Variants in FAM135B observed in about 807,000 individuals in gnomAD.
FAM135B encodes protein FAM135B.
FAM135B carries 43 observed loss-of-function variants against 127.7 expected under a neutral mutation model. That is an observed-to-expected ratio of 0.34 (90% CI 0.26 to 0.43). The LOEUF is 0.43. Among genes scored for constraint, FAM135B ranks in the 20% least tolerant of loss-of-function variants. FAM135B has a pLI of 1.00. For synonymous variants in FAM135B, 670 were observed against 665.1 expected (o/e 1.01, Z -0.11); for missense variants, 1,558 against 1,725.6 (o/e 0.90, Z 1.72).
intron 3 of FAM135B, among the ~76,000 whole-genome samples, chr8:138,302,511 G>A (rs141893484): frequency 2.1e-4 from 32 of 152,304 alleles, no homozygotes; most frequent in Admixed American, 1.5e-3. Context: ...CCTAGGGAAC[G>A]AATGCAGGGC....
In FAM135B at chr8:138,151,734, C is replaced by T. The variant is rs748803583; in HGVS notation, c.2741G>A (p.Gly914Asp). The T allele has an allele frequency of 1.1e-5, 17 of 1,614,152 alleles. No homozygotes were observed. In the East Asian group the frequency reaches 3.6e-4, roughly 34 times the overall value. Residue 914 changes from glycine (G) to aspartate (D), a missense_variant, in exon 13 of 20, where the codon GGT (glycine) becomes GAT (aspartate). Transcript: ENST00000395297. The stretch of plus-strand genomic sequence containing the variant: ...GCCACTGTTGGAAAGAGCTTGCTGA[C>T]CCACATTCAAGTCTTTAGGCATGCC... ...PKGMPKDLNVGQQALSNSGIS... is the reference protein window; with the variant it reads ...PKGMPKDLNVDQQALSNSGIS...
chr8:138,404,759 T>C (rs966247030), intron 1 of FAM135B, among the ~76,000 whole-genome samples: 3 of 152,196 alleles, frequency 2.0e-5, no homozygotes, highest in Non-Finnish European at 4.4e-5. Context: ...CATGAGATTG[T>C]AGCAGTTCAG....
At chr8:138,336,484 C>A (rs1375945147) in intron 2 of FAM135B, among the ~76,000 whole-genome samples, 7 of 152,060 alleles carry the variant, frequency 4.6e-5, no homozygotes, top group Non-Finnish European at 1.0e-4. Flanking sequence ...AACACCTCTA[C>A]GCAAATAAAC....
At chr8:138,336,606 C>G (rs919224193) in intron 2 of FAM135B, among the ~76,000 whole-genome samples, 9 of 152,116 alleles carry the variant, frequency 5.9e-5, no homozygotes, top group Admixed American at 5.9e-4. Context: ...CAAATTGAGG[C>G]AATAACTAAT....
At chr8:138,494,826 G>A (rs1815329097) in intron 1 of FAM135B, among the ~76,000 whole-genome samples, 1 of 138,616 alleles carries the variant, frequency 7.2e-6, no homozygotes, top group Non-Finnish European at 1.5e-5. Flanking sequence ...CTAAATCTCT[G>A]TTTATACTGT....
intron 2 of FAM135B, among the ~76,000 whole-genome samples, chr8:138,332,764 C>T (rs114636907): frequency 0.013 from 1,973 of 152,148 alleles, 33 homozygotes; most frequent in African/African-American, 0.045. Context: ...TGAGTCCTAA[C>T]GCACCAGAGA....
At chr8:138,279,335 C>T (rs141384322) in intron 3 of FAM135B, among the ~76,000 whole-genome samples, 148 of 152,300 alleles carry the variant, frequency 9.7e-4, no homozygotes, top group African/African-American at 3.3e-3. Flanking sequence ...ACACAACTCA[C>T]CAGTGAGCTC....
rs780975583 is a variant in FAM135B, at chr8:138,151,714, T to C, written c.2761A>G (p.Ser921Gly). The C allele has an allele frequency of 2.5e-5, 40 of 1,614,086 alleles. No individual in the cohort carries two copies. In the South Asian group the frequency reaches 4.0e-4, roughly 16 times the overall value. Residue 921 changes from serine to glycine, a missense_variant, in exon 13 of 20, where the codon AGT (serine) becomes GGT (glycine). By Grantham distance (56) the Ser-to-Gly change is moderately conservative (BLOSUM62 0). Transcript: ENST00000395297. ...LNVGQQALSN[S>G]GISEVEGLSQ... is the part of the protein sequence containing the mutation. ...AGACCCTCAACCTCTGAGATGCCAC[T>C]GTTGGAAAGAGCTTGCTGACCCACA...
intron 1 of FAM135B, among the ~76,000 whole-genome samples, chr8:138,379,785 G>A (rs1831726860): frequency 6.6e-6 from 1 of 152,146 alleles, no homozygotes; most frequent in South Asian, 2.1e-4. Context: ...GGTTGGGGGA[G>A]GTTTCAATGC....
intron 7 of FAM135B, among the ~76,000 whole-genome samples, chr8:138,237,082 G>A (rs1446705760): frequency 6.6e-6 from 1 of 151,200 alleles, no homozygotes; most frequent in East Asian, 2.0e-4. Context: ...TCAGTGAGAA[G>A]AAAAGTGGTG....
Position 138,250,966 on chromosome 8 carries a change from G to C in FAM135B, c.417C>G (p.Gly139=), listed in dbSNP as rs1033043083. Residue 139 remains glycine, a synonymous_variant, in exon 6 of 20, where the codon GGC becomes GGG. Transcript: ENST00000395297. The part of the protein sequence containing the change: ...GAPMVSSRTL[G]LHFHPRNGLH... ...GACCATTCCGGGGGTGGAAGTGCAG[G>C]CCAAGCGTTCGGCTGCTGACCATCG... The C allele has an allele frequency of 1.2e-6, 2 of 1,613,838 alleles. No homozygotes were observed. The highest frequency in any genetic ancestry group is 2.7e-5 in the African/African-American group (2 of 74,864).
At chr8:138,264,374 T>A (rs539998110) in intron 4 of FAM135B, among the ~76,000 whole-genome samples, 1 of 152,322 alleles carries the variant, frequency 6.6e-6, no homozygotes, top group South Asian at 2.1e-4. Flanking sequence ...ACAGCCAGTC[T>A]TGCACAGCAG....
At chr8:138,248,503 C>T (rs528317640) in intron 6 of FAM135B, among the ~76,000 whole-genome samples, 7 of 152,218 alleles carry the variant, frequency 4.6e-5, no homozygotes, top group African/African-American at 1.2e-4. Context: ...TCATCCCTGT[C>T]GGGTTAGTAT....
intron 12 of FAM135B, among the ~76,000 whole-genome samples, chr8:138,166,655 A>G (rs1243306896): frequency 6.6e-6 from 1 of 152,208 alleles, no homozygotes; most frequent in Non-Finnish European, 1.5e-5. Flanking sequence ...CATTAAACTT[A>G]CAGACTTAAA....
intron 1 of FAM135B, among the ~76,000 whole-genome samples, chr8:138,447,316 A>C (rs1446242417): frequency 6.6e-6 from 1 of 152,134 alleles, no homozygotes; most frequent in Non-Finnish European, 1.5e-5. Flanking sequence ...TATATACCCA[A>C]AGGATTATAA....
At position 138,241,486 on chromosome 8, in the gene FAM135B, T is replaced by C. The variant is rs760983207; in HGVS notation, c.669+1456A>G. On this transcript the variant is annotated intron_variant, in intron 7 of 19. Coordinates refer to ENST00000395297, the MANE Select transcript of FAM135B (RefSeq NM_015912.4). This position sits in a 1 kb window ranked among gnomAD's most constrained non-coding sequence, Gnocchi z 4.8. ...CCATAAAATCATGTGACACAGCAGC[T>C]TGGACAAGATGAAGACATGAGTTGG... Among the ~76,000 whole-genome samples the C allele has an allele frequency of 9.9e-5, 15 of 152,146 alleles. No homozygotes were observed. Among genetic ancestry groups the C allele is most frequent in the Admixed American group, 8.5e-4 (13 of 15,266 alleles).
chr8:138,339,374 TA>T (rs1563915357), intron 2 of FAM135B, among the ~76,000 whole-genome samples: 3 of 150,624 alleles, frequency 2.0e-5, no homozygotes, highest in Admixed American at 1.3e-4. Flanking sequence ...TATATATATA[TA>T]TATATATATT....
At chr8:138,199,805 T>C (rs961858275) in intron 7 of FAM135B, among the ~76,000 whole-genome samples, 5 of 152,118 alleles carry the variant, frequency 3.3e-5, no homozygotes, top group African/African-American at 1.2e-4. Flanking sequence ...GAACTCACTA[T>C]CATGAGAACA....
At chr8:138,154,218 T>G (rs1400599119) in intron 12 of FAM135B, among the ~76,000 whole-genome samples, 1 of 152,104 alleles carries the variant, frequency 6.6e-6, no homozygotes, top group Non-Finnish European at 1.5e-5. Context: ...GACCTGCAGC[T>G]GAGGGTCCTG....
Sources: gnomAD v4.1 joint callset for allele counts (sites outside exome capture counted in the v4.1 genomes callset) on GRCh38, gnomAD v4.1.1 for gene constraint, Gnocchi (gnomAD v3.1) non-coding constraint, MANE v1.5 for transcripts, NCBI Gene and HGNC (gene_info 2026-07-23, HGNC 2026-07-21) for gene names.